Variants in TRIM71 observed in about 807,000 individuals in gnomAD.
TRIM71 encodes tripartite motif containing 71.
In TRIM71, 9 loss-of-function variants were observed where a neutral mutation model predicts 61.2. That is an observed-to-expected ratio of 0.15 (90% CI 0.09 to 0.26). The LOEUF (loss-of-function observed/expected upper bound fraction) is 0.26. TRIM71 is among the 10% of genes least tolerant of loss of function. The probability of loss-of-function intolerance (pLI) is 1.00; values close to 1 mark genes in which losing one functional copy is unlikely to be tolerated. For synonymous variants in TRIM71, 645 were observed against 553.2 expected, an observed-to-expected ratio of 1.17 and a Z score of -2.33; for missense variants, 998 against 1,238.7, an observed-to-expected ratio of 0.81 and a Z score of 2.92.
intron 1 of TRIM71, among the ~76,000 whole-genome samples, chr3:32,823,640 T>G (rs1696164880): frequency 6.8e-6 from 1 of 147,692 alleles, no homozygotes; most frequent in Admixed American, 6.7e-5. Context: ...TGACATTGTT[T>G]TCAAAGTGAA....
At chr3:32,878,711 G>A (rs553618357) in intron 2 of TRIM71, among the ~76,000 whole-genome samples, 5 of 152,352 alleles carry the variant, frequency 3.3e-5, no homozygotes, top group African/African-American at 1.2e-4. Flanking sequence ...TTTTCCATTT[G>A]TAGAGCACAG....
chr3:32,850,157 G>T (rs931079987), intron 1 of TRIM71, among the ~76,000 whole-genome samples: 2 of 152,238 alleles, frequency 1.3e-5, no homozygotes, highest in Admixed American at 1.3e-4. Flanking sequence ...ACAGAAAGGT[G>T]TTGAGGCATC....
intron 1 of TRIM71, among the ~76,000 whole-genome samples, chr3:32,841,389 G>T (rs181478207): frequency 2.0e-5 from 3 of 150,164 alleles, no homozygotes; most frequent in Non-Finnish European, 4.5e-5. Context: ...AGAATACTAG[G>T]TATCTTTACC....
intron 2 of TRIM71, among the ~76,000 whole-genome samples, chr3:32,881,800 A>G (rs1478334740): frequency 6.6e-6 from 1 of 152,224 alleles, no homozygotes; most frequent in Non-Finnish European, 1.5e-5. Context: ...GAACTAGTTC[A>G]ATAAGTCCTG....
At chr3:32,854,179 C>T (rs1696571488) in intron 1 of TRIM71, among the ~76,000 whole-genome samples, 1 of 152,110 alleles carries the variant, frequency 6.6e-6, no homozygotes, top group Non-Finnish European at 1.5e-5. Context: ...TTTGTAGAGA[C>T]TCAGAGGTCT....
At chr3:32,843,265 A>G (rs1696432681) in intron 1 of TRIM71, among the ~76,000 whole-genome samples, 1 of 152,096 alleles carries the variant, frequency 6.6e-6, no homozygotes, top group African/African-American at 2.4e-5. Flanking sequence ...GGGTGGGAGA[A>G]ATGTGAAGGT....
chr3:32,872,498 C>G (rs1012162713), intron 1 of TRIM71, among the ~76,000 whole-genome samples: 1 of 152,182 alleles, frequency 6.6e-6, no homozygotes, highest in African/African-American at 2.4e-5. Context: ...CTTTTTGGAG[C>G]TCTCCGCCTA....
chr3:32,856,801 T>A, intron 1 of TRIM71, among the ~76,000 whole-genome samples: 1 of 152,246 alleles, frequency 6.6e-6, no homozygotes. Flanking sequence ...TGATTTAACT[T>A]GCCTTGCCAC....
chr3:32,856,801 T>TG, intron 1 of TRIM71, among the ~76,000 whole-genome samples: 1 of 152,246 alleles, frequency 6.6e-6, no homozygotes, highest in East Asian at 1.9e-4. Flanking sequence ...TGATTTAACT[T>TG]GCCTTGCCAC....
intron 1 of TRIM71, among the ~76,000 whole-genome samples, chr3:32,860,633 G>A (rs1037287549): frequency 6.6e-6 from 1 of 152,098 alleles, no homozygotes; most frequent in Non-Finnish European, 1.5e-5. Flanking sequence ...GAGGTGGGAC[G>A]ACTCTTAACC....
chr3:32,875,035 G>A (rs34316087), intron 2 of TRIM71, among the ~76,000 whole-genome samples: 37,013 of 152,014 alleles, frequency 0.24, 5,721 homozygotes, highest in Middle Eastern at 0.38. Context: ...TGGCCAGGTT[G>A]GTCTCGAACT....
intron 1 of TRIM71, among the ~76,000 whole-genome samples, chr3:32,851,540 G>A (rs1180400340): frequency 1.3e-5 from 2 of 152,126 alleles, no homozygotes; most frequent in African/African-American, 4.8e-5. Context: ...TTACAGTGGT[G>A]TGATCTCAGC....
intron 1 of TRIM71, among the ~76,000 whole-genome samples, chr3:32,839,757 G>A (rs1284790704): frequency 6.6e-6 from 1 of 151,816 alleles, no homozygotes; most frequent in Non-Finnish European, 1.5e-5. Flanking sequence ...TCCCTCATAC[G>A]TGGATCTGCT....
chr3:32,854,935 A>G (rs988726876), intron 1 of TRIM71, among the ~76,000 whole-genome samples: 2 of 152,188 alleles, frequency 1.3e-5, no homozygotes, highest in Non-Finnish European at 2.9e-5. Context: ...CACAGTTGGA[A>G]AAGAGGTGAG....
chr3:32,842,599 C>T (rs1464624387), intron 1 of TRIM71, among the ~76,000 whole-genome samples: 2 of 152,198 alleles, frequency 1.3e-5, no homozygotes, highest in Non-Finnish European at 2.9e-5. Context: ...TGCCAAGGGG[C>T]GGGTGCAGAG....
chr3:32,873,676 T>A, intron 1 of TRIM71, 142 bp from the exon 2 acceptor site: 1 of 705,814 alleles, frequency 1.4e-6, no homozygotes, highest in Non-Finnish European at 2.2e-6. Flanking sequence ...GTTACGCCAC[T>A]GCTGCCTCTC....
chr3:32,874,032 C>T (rs749869851), intron 2 of TRIM71, 47 bp downstream of exon 2: 1 of 1,542,632 alleles, frequency 6.5e-7, no homozygotes, highest in South Asian at 1.2e-5. Context: ...ATCGAGCCCC[C>T]CTTTCTGTCG....
chr3:32,825,164 A>G (rs188090436), intron 1 of TRIM71, among the ~76,000 whole-genome samples: 147 of 152,270 alleles, frequency 9.7e-4, no homozygotes, highest in Non-Finnish European at 1.7e-3. Flanking sequence ...ACTACTTAAT[A>G]TGGATGCAAC....
At chr3:32,886,197 A>G (rs1234047302) in intron 3 of TRIM71, 129 bp downstream of exon 3, 1 of 1,267,272 alleles carries the variant, frequency 7.9e-7, no homozygotes, top group African/African-American at 1.5e-5. Context: ...AATTTTCCAG[A>G]AAGCCTGTTA....
Sources: allele counts gnomAD v4.1 joint callset (sites outside exome capture counted in the v4.1 genomes callset), GRCh38; gene constraint gnomAD v4.1.1; transcripts MANE v1.5; gene names NCBI Gene and HGNC (gene_info 2026-07-23, HGNC 2026-07-21).